CGNL1: variants seen among roughly 807,000 people sequenced by gnomAD.
CGNL1 encodes the protein cingulin like 1, also known as cingulin-like protein 1.
Under a neutral mutation model 141.2 loss-of-function variants are expected in CGNL1, and 132 were observed. The observed-to-expected ratio is 0.93, with a 90% CI of 0.81 to 1.08. The LOEUF is 1.08. Among genes scored for constraint, CGNL1 ranks in the 50% least tolerant of loss-of-function variants. The pLI is 0.00. For missense variants in CGNL1, 1,870 were observed against 1,588.6 expected, an observed-to-expected ratio of 1.18 and a Z score of -3.01; for synonymous variants, 690 against 622.1, an observed-to-expected ratio of 1.11 and a Z score of -1.63.
At chr15:57,502,973 G>A (rs888262787) in intron 8 of CGNL1, among the ~76,000 whole-genome samples, 14 of 152,154 alleles carry the variant, frequency 9.2e-5, no homozygotes, top group African/African-American at 7.2e-5. Context: ...ACTTTCAGAG[G>A]TCCCAGTGCA....
intron 7 of CGNL1, 85 bp from the exon 8 acceptor site, chr15:57,461,595 T>A (rs2063446848): frequency 8.9e-7 from 1 of 1,121,400 alleles, no homozygotes; most frequent in Non-Finnish European, 1.4e-6. Flanking sequence ...GCTGTGCACA[T>A]GGGGACTGAA....
chr15:57,473,845 A>G (rs796842915), intron 8 of CGNL1, among the ~76,000 whole-genome samples: 2 of 148,946 alleles, frequency 1.3e-5, no homozygotes, highest in South Asian at 4.3e-4. Context: ...CTCATCAGAA[A>G]CCCTGAGCCA....
Position 57,547,435 on chromosome 15 carries a change from A to T in CGNL1, c.3854A>T (p.Glu1285Val), listed in dbSNP as rs751329825. The T allele has an allele frequency of 6.2e-7, 1 of 1,614,170 alleles. No homozygotes were observed. The highest frequency in any genetic ancestry group is 1.7e-5 in the Admixed American group (1 of 60,014). The change falls in exon 19 of 19, where the codon GAG becomes GTG. Residue 1285 changes from glutamate (E) to valine (V), a missense_variant. By Grantham distance (121) the Glu-to-Val change is moderately radical. Coordinates refer to ENST00000281282, the MANE Select transcript of CGNL1 (RefSeq NM_032866.5). ...AGCACGGATGGGGGAAGCCTCTATG[A>T]GGCGCCTGTGAGCTACACATTCTCC... ...DLSTDGGSLY[E>V]APVSYTFSKD...
At chr15:57,422,860 C>T (rs1181393358) in intron 1 of CGNL1, among the ~76,000 whole-genome samples, 3 of 152,008 alleles carry the variant, frequency 2.0e-5, no homozygotes, top group East Asian at 1.9e-4. Context: ...GAGGTTTGGG[C>T]CTGAAAATTT....
At chr15:57,531,165 G>A (rs778824975) in intron 13 of CGNL1, among the ~76,000 whole-genome samples, 12 of 152,236 alleles carry the variant, frequency 7.9e-5, no homozygotes, top group Non-Finnish European at 1.5e-4. Context: ...GAATTGGTTA[G>A]CACTGTCTTT....
Position 57,439,035 on chromosome 15 carries a change from G to T in CGNL1, c.1036G>T (p.Asp346Tyr). ...CCTGCCAGGAACTGGACGGGATATT[G>T]ATACAGGATCAATTCCTGGTGTGGA... is the stretch of plus-strand genomic sequence containing the variant. ...PFLPGTGRDI[D>Y]TGSIPGVDQL... Residue 346 changes from aspartate (D) to tyrosine (Y), a missense_variant, in exon 2 of 19, where the codon GAT becomes TAT. Physicochemically the swap from Asp to Tyr is radical, Grantham distance 160 (BLOSUM62 -3). Coordinates refer to ENST00000281282, the MANE Select transcript of CGNL1 (RefSeq NM_032866.5). 6.2e-7 allele frequency: 1 copy of T among 1,614,192 alleles called. No individual in the cohort carries two copies. Among genetic ancestry groups the T allele is most frequent in the African/African-American group, 1.3e-5 (1 of 75,042 alleles).
intron 1 of CGNL1, among the ~76,000 whole-genome samples, chr15:57,429,696 T>C (rs1252145682): frequency 6.6e-6 from 1 of 152,242 alleles, no homozygotes; most frequent in Non-Finnish European, 1.5e-5. Flanking sequence ...TGGTTAATGC[T>C]GCTTGGTTAA....
intron 8 of CGNL1, among the ~76,000 whole-genome samples, chr15:57,507,975 C>A (rs190120700): frequency 1.3e-5 from 2 of 152,312 alleles, no homozygotes; most frequent in African/African-American, 4.8e-5. Flanking sequence ...CTGTCGTCAT[C>A]ATACATGAAT....
At chr15:57,528,310 T>G (rs1199427054) in intron 12 of CGNL1, among the ~76,000 whole-genome samples, 2 of 152,150 alleles carry the variant, frequency 1.3e-5, no homozygotes, top group African/African-American at 4.8e-5. Context: ...TACACGCATC[T>G]GCACAAATAT....
chr15:57,511,958 G>A (rs2030347166), intron 8 of CGNL1, among the ~76,000 whole-genome samples: 1 of 152,212 alleles, frequency 6.6e-6, no homozygotes, highest in Admixed American at 6.5e-5. Flanking sequence ...CTCTAATATT[G>A]TTATAACATA....
intron 1 of CGNL1, among the ~76,000 whole-genome samples, chr15:57,437,545 TC>T (rs1328781076): frequency 2.1e-5 from 3 of 142,578 alleles, no homozygotes; most frequent in Non-Finnish European, 4.5e-5. Flanking sequence ...TACCTAGTTC[TC>T]AAATGCTGGT....
intron 1 of CGNL1, among the ~76,000 whole-genome samples, chr15:57,436,970 C>T (rs894010811): frequency 6.6e-6 from 1 of 151,774 alleles, no homozygotes; most frequent in Admixed American, 6.6e-5. Flanking sequence ...AAAGAAAACT[C>T]AAAAAGTCTC....
intron 13 of CGNL1, among the ~76,000 whole-genome samples, chr15:57,530,341 TC>T: frequency 6.6e-6 from 1 of 152,352 alleles, no homozygotes; most frequent in Middle Eastern, 3.4e-3. Flanking sequence ...AGCTATTTTC[TC>T]ATTAATTACA....
chr15:57,501,250 C>T (rs1036216270), intron 8 of CGNL1, among the ~76,000 whole-genome samples: 4 of 152,196 alleles, frequency 2.6e-5, no homozygotes, highest in African/African-American at 9.7e-5. Context: ...GCTGCTTATA[C>T]CTATGAGCCC....
intron 14 of CGNL1, among the ~76,000 whole-genome samples, chr15:57,536,142 T>A (rs1384722062): frequency 6.6e-6 from 1 of 152,118 alleles, no homozygotes; most frequent in Non-Finnish European, 1.5e-5. Flanking sequence ...CAAAAGAGTG[T>A]GTGTAGGGGA....
chr15:57,531,929 G>A, intron 14 of CGNL1, 150 bp downstream of exon 14: 1 of 558,834 alleles, frequency 1.8e-6, no homozygotes, highest in South Asian at 2.6e-5. Context: ...ACCATAGTGA[G>A]CTTCTAGGAG....
chr15:57,462,427 T>A (rs1345976179), intron 8 of CGNL1, among the ~76,000 whole-genome samples: 4 of 152,222 alleles, frequency 2.6e-5, no homozygotes, highest in Non-Finnish European at 5.9e-5. Flanking sequence ...TTCTCTTAAT[T>A]GAATTCTTGG....
At chr15:57,422,185 T>A (rs1016243468) in intron 1 of CGNL1, among the ~76,000 whole-genome samples, 2 of 151,836 alleles carry the variant, frequency 1.3e-5, no homozygotes, top group African/African-American at 4.8e-5. Context: ...TCTTCCTTTT[T>A]TCTCTTCAGT....
intron 14 of CGNL1, among the ~76,000 whole-genome samples, chr15:57,542,239 T>C (rs1196393696): frequency 6.6e-6 from 1 of 152,212 alleles, no homozygotes; most frequent in Non-Finnish European, 1.5e-5. Flanking sequence ...AGTAAGCCTG[T>C]GTCAGATGCT....
Sources: gnomAD v4.1 joint callset for allele counts (sites outside exome capture counted in the v4.1 genomes callset) on GRCh38, gnomAD v4.1.1 for gene constraint, MANE v1.5 for transcripts, NCBI Gene and HGNC (gene_info 2026-07-23, HGNC 2026-07-21) for gene names.